Variants in GSE1 observed in about 807,000 individuals in gnomAD.
The protein encoded by GSE1 is Gse1 coiled-coil protein.
In GSE1, 32 loss-of-function variants were observed where a neutral mutation model predicts 112.6. That is an observed-to-expected ratio of 0.28 (90% CI 0.21 to 0.38). GSE1 has a LOEUF of 0.38. Ranked by LOEUF, GSE1 falls within the 10% of genes least tolerant of loss-of-function variation. The probability of loss-of-function intolerance (pLI) is 1.00; values close to 1 mark genes in which losing one functional copy is unlikely to be tolerated. For synonymous variants in GSE1, 1,115 were observed against 735.6 expected, an observed-to-expected ratio of 1.52 and a Z score of -8.35; for missense variants, 2,348 against 1,699.2, an observed-to-expected ratio of 1.38 and a Z score of -6.71.
At chr16:85,595,906 A>C (rs1598321022) in intron 1 of GSE1, among the ~76,000 whole-genome samples, 2 of 87,302 alleles carry the variant, frequency 2.3e-5, no homozygotes, top group Admixed American at 1.3e-4. Flanking sequence ...CCATCCACCC[A>C]CCCATTCTTC....
Position 85,484,291 on chromosome 16 carries a change from C to G in GSE1, c.2464+126648C>G, listed in dbSNP as rs186504636. 7.5e-4 allele frequency among the ~76,000 whole-genome samples: 115 copies of G among 152,336 alleles called. 1 individual carries two copies. Among genetic ancestry groups the G allele is most frequent in the African/African-American group, 2.7e-3 (113 of 41,574 alleles). On this transcript the variant is annotated intron_variant, in intron 2 of 2. Coordinates refer to the GSE1 transcript ENST00000637419. ...CTGGGAACCAGGAGAGGGGTCTGCG[C>G]TCAGAGCCAGCATAGCCAGCAGGAC...
chr16:85,210,459 G>A (rs754928932), intron 1 of GSE1, among the ~76,000 whole-genome samples: 6 of 152,144 alleles, frequency 3.9e-5, no homozygotes, highest in Non-Finnish European at 7.4e-5. Flanking sequence ...AGCCGGGCAT[G>A]ATGCCTGTAG....
chr16:85,383,527 GTCTCTCTCTCTCTCTCTCTCTCTCTC>G (rs55919597), intron 2 of GSE1, among the ~76,000 whole-genome samples: 34 of 130,840 alleles, frequency 2.6e-4, no homozygotes, highest in South Asian at 5.3e-4. Flanking sequence ...GCACACCTGC[GTCTCTCTCTCTCTCTCTCTCTCTCTC>G]TCTCTCTCTC....
intron 1 of GSE1, among the ~76,000 whole-genome samples, chr16:85,173,245 C>G (rs1231324038): frequency 6.6e-6 from 1 of 152,198 alleles, no homozygotes; most frequent in Non-Finnish European, 1.5e-5. Flanking sequence ...ATGAGTCAAC[C>G]AAGACTCAGA....
At position 85,666,268 on chromosome 16, in the gene GSE1, C is replaced by T. The variant is rs779457945; in HGVS notation, c.3051C>T (p.Pro1017=). 7 of 1,613,882 alleles carry T rather than the reference C, an allele frequency of 4.3e-6. No individual in the cohort carries two copies. Among genetic ancestry groups the T allele is most frequent in the Non-Finnish European group, 5.1e-6 (6 of 1,180,032 alleles). Residue 1017 remains proline (P), a synonymous_variant, in exon 13 of 16, where the codon CCC becomes CCT. Transcript: ENST00000253458. ...ATGGGAAGAGCAAGCCGTGGGAGCC[C>T]TTTGTGGCAGAAGAGTTTGCACATC... ...STNGKSKPWE[P]FVAEEFAHQF...
At chr16:85,444,157 G>C (rs1050575134) in intron 2 of GSE1, among the ~76,000 whole-genome samples, 1 of 152,022 alleles carries the variant, frequency 6.6e-6, no homozygotes, top group African/African-American at 2.4e-5. Context: ...GCTAATTTTT[G>C]TATTTTTTGG....
chr16:85,445,695 C>T (rs963728472), intron 2 of GSE1, among the ~76,000 whole-genome samples: 38 of 152,196 alleles, frequency 2.5e-4, no homozygotes, highest in Non-Finnish European at 3.8e-4. Context: ...CCTGGCCTCT[C>T]GGGGAGCGCG....
At chr16:85,603,057 G>A (rs1249693070) in intron 1 of GSE1, among the ~76,000 whole-genome samples, 1 of 152,278 alleles carries the variant, frequency 6.6e-6, no homozygotes, top group African/African-American at 2.4e-5. Context: ...GAGCTGCCTT[G>A]CAGCCCTGCT....
chr16:85,385,551 G>A (rs2047669303), intron 2 of GSE1, among the ~76,000 whole-genome samples: 2 of 152,208 alleles, frequency 1.3e-5, no homozygotes, highest in African/African-American at 2.4e-5. Flanking sequence ...TGTGGCTGAG[G>A]TGGAACCCTG....
At chr16:85,654,240 C>T (rs2051702157) in intron 3 of GSE1, 38 bp from the exon 4 acceptor site, 2 of 1,556,532 alleles carry the variant, frequency 1.3e-6, no homozygotes, top group Non-Finnish European at 1.7e-6. Context: ...GTGGCCTATA[C>T]CAGGCTCCTG....
At chr16:85,555,957 T>TC, upstream of GSE1, 1 of 983,704 alleles carries the variant, frequency 1.0e-6, no homozygotes, top group Non-Finnish European at 1.2e-6. Context: ...CCCCCCTCCT[T>TC]TTTTTTATTT....
chr16:85,236,426 C>T (rs1014660730), intron 1 of GSE1, among the ~76,000 whole-genome samples: 1 of 152,250 alleles, frequency 6.6e-6, no homozygotes, highest in Admixed American at 6.5e-5. Flanking sequence ...GGGCTAAAAA[C>T]TCTGAGACTT....
chr16:85,490,578 C>T (rs1269477459), intron 2 of GSE1: 4 of 152,250 alleles, frequency 2.6e-5, no homozygotes, highest in African/African-American at 7.2e-5. Context: ...TCCTGCTGCT[C>T]CTGAGGAGGT....
chr16:85,548,890 A>G (rs953430361), intron 2 of GSE1, among the ~76,000 whole-genome samples: 1 of 152,148 alleles, frequency 6.6e-6, no homozygotes, highest in Admixed American at 6.5e-5. Context: ...CCTGGGTTCA[A>G]GTGATTCTCC....
At chr16:85,601,007 G>A (rs564736952) in intron 1 of GSE1, among the ~76,000 whole-genome samples, 51 of 129,198 alleles carry the variant, frequency 3.9e-4, no homozygotes, top group Non-Finnish European at 6.7e-4. Flanking sequence ...TCCACCAGTG[G>A]GGGGGTTAGA....
At chr16:85,355,536 A>G (rs1298523333) in intron 1 of GSE1, among the ~76,000 whole-genome samples, 5 of 152,196 alleles carry the variant, frequency 3.3e-5, no homozygotes, top group Admixed American at 3.3e-4. Context: ...GCAGACGCCG[A>G]CAGCCAGGGC....
intron 2 of GSE1, among the ~76,000 whole-genome samples, chr16:85,639,830 C>G (rs1040306858): frequency 7.9e-5 from 12 of 152,226 alleles, no homozygotes; most frequent in Non-Finnish European, 1.0e-4. Context: ...TTGCCGTGTG[C>G]AGCAGGCGGC....
At chr16:85,397,988 G>T (rs1393983010) in intron 2 of GSE1, among the ~76,000 whole-genome samples, 1 of 143,874 alleles carries the variant, frequency 7.0e-6, no homozygotes, top group Non-Finnish European at 1.5e-5. Flanking sequence ...TGGGGGTGGG[G>T]TTGGGGGTGG....
chr16:85,416,152 T>C (rs1408208255), intron 2 of GSE1, among the ~76,000 whole-genome samples: 1 of 152,186 alleles, frequency 6.6e-6, no homozygotes, highest in East Asian at 1.9e-4. Flanking sequence ...TAGATGCCGA[T>C]CCAGAAGATA....
Sources: gnomAD v4.1 joint callset for allele counts (sites outside exome capture counted in the v4.1 genomes callset) on GRCh38, gnomAD v4.1.1 for gene constraint, MANE v1.5 for transcripts, NCBI Gene and HGNC (gene_info 2026-07-23, HGNC 2026-07-21) for gene names.